NFASC: variants seen among roughly 807,000 people sequenced by gnomAD.
NFASC encodes the protein neurofascin.
A neutral mutation model predicts 147.5 loss-of-function variants in NFASC; 43 were observed. The observed-to-expected ratio is 0.29, with a 90% CI of 0.23 to 0.38. The LOEUF is 0.38. NFASC is among the 10% of genes least tolerant of loss of function. The pLI is 1.00. For missense variants in NFASC, 1,320 were observed against 1,689.0 expected (o/e 0.78, Z 3.83); for synonymous variants, 622 against 665.5 (o/e 0.93, Z 1.01).
At chr1:204,852,500 AAAAACAAAAC>A (rs1207291061) in intron 1 of NFASC, among the ~76,000 whole-genome samples, 1 of 152,182 alleles carries the variant, frequency 6.6e-6, no homozygotes, top group Non-Finnish European at 1.5e-5. Context: ...ACTCCGTCTG[AAAAACAAAAC>A]AAAACAAAAC....
intron 2 of NFASC, among the ~76,000 whole-genome samples, chr1:204,921,504 A>T (rs1442628901): frequency 2.6e-5 from 4 of 151,296 alleles, no homozygotes; most frequent in Non-Finnish European, 5.9e-5. Context: ...ACTCCACCTC[A>T]CTCTCTTGTT....
chr1:204,973,221 C>CCCTTCA, intron 11 of NFASC, 55 bp from the exon 12 acceptor site: 1 of 1,599,312 alleles, frequency 6.3e-7, no homozygotes, highest in East Asian at 2.2e-5. Flanking sequence ...GCCCCAAGTG[C>CCCTTCA]CCTTCACCCT....
chr1:204,843,878 A>G (rs1045494016), intron 1 of NFASC, among the ~76,000 whole-genome samples: 1 of 151,900 alleles, frequency 6.6e-6, no homozygotes, highest in African/African-American at 2.4e-5. Context: ...TGCCCAGCTA[A>G]TTTTGTATTT....
intron 1 of NFASC, among the ~76,000 whole-genome samples, chr1:204,857,330 C>T (rs1302547743): frequency 6.6e-6 from 1 of 152,254 alleles, no homozygotes; most frequent in Admixed American, 6.5e-5. Flanking sequence ...TTCTGCTTCC[C>T]ATACTTGCTC....
intron 1 of NFASC, among the ~76,000 whole-genome samples, chr1:204,832,292 T>C (rs1426818848): frequency 6.6e-6 from 1 of 152,192 alleles, no homozygotes; most frequent in African/African-American, 2.4e-5. Flanking sequence ...AAAGTGTGGC[T>C]GGATATGCTT....
intron 19 of NFASC, 140 bp from the exon 20 acceptor site, chr1:204,980,230 A>G: frequency 1.4e-6 from 1 of 709,168 alleles, no homozygotes; most frequent in Non-Finnish European, 2.6e-6. Flanking sequence ...GCTCATTTAC[A>G]TACCAGACCA....
chr1:204,956,860 A>G (rs2094456956), intron 7 of NFASC, among the ~76,000 whole-genome samples: 1 of 152,204 alleles, frequency 6.6e-6, no homozygotes, highest in Non-Finnish European at 1.5e-5. Context: ...AACTAACCTA[A>G]CAGCCTGGAA....
rs544617376 is a variant in NFASC, at chr1:204,991,668, A to G, written c.2782+362A>G. On this transcript the variant is annotated intron_variant, in intron 24 of 29. Transcript: ENST00000339876. ...TCCTTGCCTGGGCTTGACAGCTCAG[A>G]GCAGTGTCCCCAGCTGTGGCCCTAG... Among the ~76,000 whole-genome samples, 16 of 152,332 alleles carry G rather than the reference A, an allele frequency of 1.1e-4. No homozygotes were observed. The South Asian group carries it at 2.9e-3, about 28-fold the overall frequency.
Position 204,877,018 on chromosome 1 carries a change from ATATATATATAATATATATT to A in NFASC, c.-199-43603_-199-43585del, listed in dbSNP as rs1324278877. Among the ~76,000 whole-genome samples the A allele has an allele frequency of 3.5e-3, 381 of 109,342 alleles. 9 individuals carry two copies. Among genetic ancestry groups the A allele is most frequent in the African/African-American group, 0.015 (365 of 23,700 alleles). 71.7% of individuals were successfully genotyped at this position (109,342 alleles called of 152,430 possible). ...TATGTATATATATATATATATATAT[ATATATATATAATATATATT>A]TATATATATATAATATATTTATTTA... On this transcript the variant is annotated intron_variant, in intron 1 of 29. Coordinates refer to ENST00000339876, the MANE Select transcript of NFASC (RefSeq NM_001005388.3).
intron 1 of NFASC, 113 bp from the exon 2 acceptor site, chr1:204,920,519 G>T (rs577055952): frequency 2.4e-6 from 1 of 415,784 alleles, no homozygotes; most frequent in Admixed American, 3.4e-5. Flanking sequence ...AATGGATGTG[G>T]ACAAAAATGT....
intron 1 of NFASC, among the ~76,000 whole-genome samples, chr1:204,907,833 G>A (rs1480720246): frequency 1.3e-5 from 2 of 152,146 alleles, no homozygotes; most frequent in Non-Finnish European, 2.9e-5. Context: ...TCATTCTTGG[G>A]CTCATGATGC....
chr1:205,005,340 G>C (rs1012008148), intron 27 of NFASC, among the ~76,000 whole-genome samples: 4 of 152,210 alleles, frequency 2.6e-5, no homozygotes, highest in Non-Finnish European at 5.9e-5. Flanking sequence ...GTTAGAATTA[G>C]GAGTCATGAG....
chr1:204,907,123 C>T (rs941421024), intron 1 of NFASC, among the ~76,000 whole-genome samples: 6 of 152,136 alleles, frequency 3.9e-5, no homozygotes, highest in East Asian at 1.9e-4. Flanking sequence ...CTAACTAGGA[C>T]GTGGGATTAT....
chr1:204,831,257 T>G (rs1253234659), intron 1 of NFASC, among the ~76,000 whole-genome samples: 1 of 151,526 alleles, frequency 6.6e-6, no homozygotes, highest in Non-Finnish European at 1.5e-5. Flanking sequence ...TACGGAGAAA[T>G]AAACCAAGGC....
Position 204,952,115 on chromosome 1 carries a change from A to G in NFASC, c.214A>G (p.Ser72Gly). The G allele has an allele frequency of 6.2e-7, 1 of 1,609,232 alleles. No homozygotes were observed. Among genetic ancestry groups the G allele is most frequent in the Admixed American group, 1.7e-5 (1 of 59,980 alleles). The change falls in exon 5 of 30, where the codon AGC becomes GGC. Residue 72 changes from serine to glycine, a missense_variant and splice_region_variant. Transcript: ENST00000339876. Reference sequence around the variant, plus strand: ...TGAAGCAAAAGGGAACCCTGCCCCCAGGTGAGTGAAGGGGAAAAAGAGTGC... The same window carrying G: ...TGAAGCAAAAGGGAACCCTGCCCCCGGGTGAGTGAAGGGGAAAAAGAGTGC... Reference protein sequence around the residue: ...ECEAKGNPAPSFHWTRNSRFF... With the variant: ...ECEAKGNPAPGFHWTRNSRFF...
At chr1:204,834,970 A>T (rs1673261905) in intron 1 of NFASC, among the ~76,000 whole-genome samples, 1 of 152,078 alleles carries the variant, frequency 6.6e-6, no homozygotes, top group African/African-American at 2.4e-5. Context: ...AGAAGGTCTA[A>T]TTATTCTCAT....
chr1:205,005,125 A>G (rs1410596575), intron 27 of NFASC, among the ~76,000 whole-genome samples: 2 of 152,198 alleles, frequency 1.3e-5, no homozygotes, highest in African/African-American at 4.8e-5. Flanking sequence ...TGTGTTTGGG[A>G]GAAGCATCTC....
intron 8 of NFASC, among the ~76,000 whole-genome samples, chr1:204,964,732 G>A (rs578211022): frequency 1.8e-4 from 28 of 152,280 alleles, no homozygotes; most frequent in African/African-American, 6.5e-4. Flanking sequence ...TCTGAGAATC[G>A]AAAGCAGCAA....
intron 1 of NFASC, among the ~76,000 whole-genome samples, chr1:204,849,161 C>T (rs944478673): frequency 4.6e-5 from 7 of 152,178 alleles, no homozygotes; most frequent in Non-Finnish European, 1.0e-4. Flanking sequence ...AGATGTGACC[C>T]CATTCGTGGA....
Sources: gnomAD v4.1 joint callset for allele counts (sites outside exome capture counted in the v4.1 genomes callset) on GRCh38, gnomAD v4.1.1 for gene constraint, MANE v1.5 for transcripts, NCBI Gene and HGNC (gene_info 2026-07-23, HGNC 2026-07-21) for gene names.